Variants in NOS1AP observed in about 807,000 individuals in gnomAD.
NOS1AP encodes the protein nitric oxide synthase 1 adaptor protein.
A neutral mutation model predicts 56.2 loss-of-function variants in NOS1AP; 21 were observed. The ratio of observed to expected loss-of-function variants is 0.37; its 90% CI spans 0.26 to 0.54. NOS1AP has a LOEUF of 0.54. Ranked by LOEUF, NOS1AP falls within the 20% of genes least tolerant of loss-of-function variation. NOS1AP has a pLI of 0.84. For synonymous variants in NOS1AP, 270 were observed against 274.6 expected (o/e 0.98, Z 0.17); for missense variants, 522 against 657.8 (o/e 0.79, Z 2.26).
In NOS1AP at chr1:162,156,260, A is replaced by G. The variant is rs72715963; in HGVS notation, c.177+1784A>G. Among the ~76,000 whole-genome samples the G allele has an allele frequency of 8.3e-3, 1,262 of 152,278 alleles. 6 individuals are homozygous for G. Among genetic ancestry groups the G allele is most frequent in the South Asian group, 0.023 (112 of 4,822 alleles). ...AGTTGTTTCATTCAACATTCACAGC[A>G]GGCTGTGAAGTGGGGAACCAGTTAC... On this transcript the variant is annotated intron_variant, in intron 2 of 9. Transcript: ENST00000361897.
chr1:162,204,110 G>A (rs1269884180), intron 2 of NOS1AP, among the ~76,000 whole-genome samples: 1 of 152,162 alleles, frequency 6.6e-6, no homozygotes, highest in African/African-American at 2.4e-5. Flanking sequence ...CTTCAACCCT[G>A]CAATAGTTCA....
At chr1:162,281,571 G>A (rs1309242806) in intron 2 of NOS1AP, among the ~76,000 whole-genome samples, 2 of 152,168 alleles carry the variant, frequency 1.3e-5, no homozygotes, top group African/African-American at 4.8e-5. Flanking sequence ...AGAAGTGTGA[G>A]CAGATATTTC....
intron 4 of NOS1AP, among the ~76,000 whole-genome samples, chr1:162,301,741 G>A (rs193047744): frequency 2.0e-5 from 3 of 152,288 alleles, no homozygotes; most frequent in Admixed American, 1.3e-4. Flanking sequence ...TCCTCATTGG[G>A]AGAATGGCCA....
intron 1 of NOS1AP, among the ~76,000 whole-genome samples, chr1:162,102,688 A>T (rs1402718927): frequency 1.3e-5 from 2 of 152,100 alleles, no homozygotes; most frequent in South Asian, 2.1e-4. Context: ...CCAGGAATTT[A>T]TCAATTTCCT....
chr1:162,269,710 A>G (rs1471512132), intron 2 of NOS1AP, among the ~76,000 whole-genome samples: 1 of 152,236 alleles, frequency 6.6e-6, no homozygotes, highest in Non-Finnish European at 1.5e-5. Context: ...TGATTGCTAC[A>G]AAACAAGGTG....
At chr1:162,291,392 AAAT>A (rs1655277452) in intron 3 of NOS1AP, among the ~76,000 whole-genome samples, 2 of 152,138 alleles carry the variant, frequency 1.3e-5, no homozygotes, top group South Asian at 4.1e-4. Flanking sequence ...AATTATGAGA[AAAT>A]AAATACTTAG....
intron 1 of NOS1AP, among the ~76,000 whole-genome samples, chr1:162,151,119 AT>A (rs1649687960): frequency 6.6e-6 from 1 of 152,132 alleles, no homozygotes; most frequent in Non-Finnish European, 1.5e-5. Context: ...TCTTTAGTTC[AT>A]TTTGTTTTGA....
At chr1:162,225,061 G>C (rs1652897881) in intron 2 of NOS1AP, among the ~76,000 whole-genome samples, 1 of 152,164 alleles carries the variant, frequency 6.6e-6, no homozygotes, top group African/African-American at 2.4e-5. Context: ...AGTCCTGCAG[G>C]TGATATTTGC....
chr1:162,323,348 T>C lies in NOS1AP; in HGVS notation c.345-9669T>C, dbSNP rs193052427. ...GGAATCAGCCTTGATTTTTGACTTC[T>C]GGCCTCCTGAACTGTGAGAAATGAA... is the stretch of plus-strand genomic sequence containing the variant. On this transcript the variant is annotated intron_variant, in intron 4 of 9. Coordinates refer to ENST00000361897, the MANE Select transcript of NOS1AP (RefSeq NM_014697.3). Among the ~76,000 whole-genome samples the C allele has an allele frequency of 2.0e-3, 304 of 152,372 alleles. 1 individual carries two copies. Among genetic ancestry groups the C allele is most frequent in the African/African-American group, 7.0e-3 (291 of 41,590 alleles).
intron 1 of NOS1AP, among the ~76,000 whole-genome samples, chr1:162,126,647 A>G (rs952114365): frequency 6.6e-6 from 1 of 152,022 alleles, no homozygotes; most frequent in African/African-American, 2.4e-5. Context: ...GTTTATCCTG[A>G]TGAATGTGGT....
At chr1:162,353,013 G>A (rs1848843) in intron 6 of NOS1AP, among the ~76,000 whole-genome samples, 11,921 of 151,686 alleles carry the variant, frequency 0.079, 1,273 homozygotes, top group African/African-American at 0.24. Flanking sequence ...GATATTTTAA[G>A]ACTCATCCTG....
chr1:162,284,893 T>C (rs1005133489), intron 2 of NOS1AP, among the ~76,000 whole-genome samples: 1 of 152,008 alleles, frequency 6.6e-6, no homozygotes, highest in African/African-American at 2.4e-5. Context: ...AAGAGAGATA[T>C]GGTCAACTAC....
chr1:162,191,319 G>A lies in NOS1AP; in HGVS notation c.177+36843G>A, dbSNP rs187524970. Among the ~76,000 whole-genome samples the A allele has an allele frequency of 2.8e-3, 419 of 152,250 alleles. 5 individuals carry two copies. The highest frequency in any genetic ancestry group is 9.4e-3 in the African/African-American group (389 of 41,542). Reference sequence around the variant, plus strand: ...CCTGGCCCCACTTGCTTCTTTCCTGGGGTAGGGTTTCTTCCTAGCTTGCTT... The same window carrying A: ...CCTGGCCCCACTTGCTTCTTTCCTGAGGTAGGGTTTCTTCCTAGCTTGCTT... On this transcript the variant is annotated intron_variant, in intron 2 of 9. Transcript: ENST00000361897.
At chr1:162,138,570 A>G (rs893704266) in intron 1 of NOS1AP, among the ~76,000 whole-genome samples, 1 of 152,114 alleles carries the variant, frequency 6.6e-6, no homozygotes, top group Non-Finnish European at 1.5e-5. Context: ...TTTTTGAAGA[A>G]CATCTCTGTG....
chr1:162,155,235 T>C (rs1303313411), intron 2 of NOS1AP, among the ~76,000 whole-genome samples: 27 of 17,330 alleles, frequency 1.6e-3, no homozygotes, highest in South Asian at 6.1e-3. Context: ...CATATATATA[T>C]ACATATACAT....
At chr1:162,263,908 T>C (rs1474052023) in intron 2 of NOS1AP, among the ~76,000 whole-genome samples, 2 of 152,232 alleles carry the variant, frequency 1.3e-5, no homozygotes, top group African/African-American at 4.8e-5. Context: ...CATTGACTTT[T>C]CATTCTTCCT....
intron 2 of NOS1AP, among the ~76,000 whole-genome samples, chr1:162,192,529 A>G (rs923017972): frequency 2.0e-5 from 3 of 152,110 alleles, no homozygotes; most frequent in Admixed American, 2.0e-4. Context: ...CAGAAGAAGA[A>G]AGAGGCTTGA....
chr1:162,138,520 A>G (rs12095047), intron 1 of NOS1AP, among the ~76,000 whole-genome samples: 7,351 of 152,236 alleles, frequency 0.048, 608 homozygotes, highest in African/African-American at 0.17. Flanking sequence ...TCCATCCTGG[A>G]TAGATAGTGG....
chr1:162,201,895 A>G (rs1025895429), intron 2 of NOS1AP, among the ~76,000 whole-genome samples: 26 of 152,218 alleles, frequency 1.7e-4, no homozygotes, highest in African/African-American at 6.0e-4. Context: ...CTCATTCTAT[A>G]GGTTGTCTGT....
Sources: gnomAD v4.1 joint callset for allele counts (sites outside exome capture counted in the v4.1 genomes callset) on GRCh38, gnomAD v4.1.1 for gene constraint, MANE v1.5 for transcripts, NCBI Gene and HGNC (gene_info 2026-07-23, HGNC 2026-07-21) for gene names.